Variants in SCN2B observed in about 807,000 individuals in gnomAD.
The protein encoded by SCN2B is sodium voltage-gated channel beta subunit 2.
Under a neutral mutation model 18.2 loss-of-function variants are expected in SCN2B, and 14 were observed. That is an observed-to-expected ratio of 0.77 (90% CI 0.51 to 1.21). The LOEUF (loss-of-function observed/expected upper bound fraction) is 1.21. SCN2B is among the 50% of genes most tolerant of loss of function. The pLI, the probability that SCN2B is intolerant of heterozygous loss-of-function variation, is 0.00. For missense variants in SCN2B, 262 were observed against 286.9 expected, an observed-to-expected ratio of 0.91 and a Z score of 0.63; for synonymous variants, 115 against 115.3, an observed-to-expected ratio of 1.00 and a Z score of 0.02.
rs1463704859 is a variant in SCN2B, at chr11:118,168,363, C to T, written c.238-68G>A. ...AGGAACTACAAGGACAGTGAGGATGCCCCCTCTTCCCATCCACCCTTTTCC... is the reference window on the plus strand; with the variant it reads ...AGGAACTACAAGGACAGTGAGGATGTCCCCTCTTCCCATCCACCCTTTTCC... On this transcript the variant is annotated intron_variant, in intron 2 of 3. Transcript: ENST00000278947. This position sits in a 1 kb window ranked among gnomAD's most constrained non-coding sequence, Gnocchi z 4.7. 2.4e-5 allele frequency: 34 copies of T among 1,420,130 alleles called. No individual in the cohort carries two copies. The Admixed American group carries it at 5.2e-4, about 22-fold the overall frequency. The allele number at this position is 1,420,130 out of a possible 1,614,324, so 88.0% of individuals were successfully genotyped here. A position where few individuals can be genotyped will look rare whatever the true frequency, so the allele number is the denominator to read the frequency against.
intron 1 of SCN2B, among the ~76,000 whole-genome samples, chr11:118,174,106 T>G (rs914949713): frequency 1.6e-4 from 20 of 128,940 alleles, no homozygotes; most frequent in African/African-American, 6.1e-4. Flanking sequence ...TTTTTTTTTT[T>G]TTTTTTTTTT....
In SCN2B at chr11:118,176,529, T is replaced by A; in HGVS notation, c.-98A>T. 1 of 851,178 alleles carries A rather than the reference T, an allele frequency of 1.2e-6. No individual in the cohort carries two copies. Among genetic ancestry groups the A allele is most frequent in the Non-Finnish European group, 2.0e-6 (1 of 492,778 alleles). 52.7% of individuals were successfully genotyped at this position (851,178 alleles called of 1,614,324 possible). On this transcript the variant is annotated 5_prime_UTR_variant, in exon 1 of 4. Transcript: ENST00000278947. ...GGAATGGTTGGATGCTAAAAAAAAA[T>A]GCACGGATGTACTTCAAAGACATAT...
chr11:118,173,788 G>C (rs1254134037), intron 1 of SCN2B, among the ~76,000 whole-genome samples: 1 of 152,222 alleles, frequency 6.6e-6, no homozygotes, highest in Non-Finnish European at 1.5e-5. Flanking sequence ...GTGTGTGGCA[G>C]AGTGGGGACT....
chr11:118,173,416 C>G (rs1948444554), intron 1 of SCN2B, among the ~76,000 whole-genome samples: 4 of 152,234 alleles, frequency 2.6e-5, no homozygotes, highest in Admixed American at 6.5e-5. Context: ...GTGACTGTTT[C>G]CCCATTGTCC....
At chr11:118,169,218 G>T (rs918832829) in intron 1 of SCN2B, among the ~76,000 whole-genome samples, 1 of 152,108 alleles carries the variant, frequency 6.6e-6, no homozygotes. Flanking sequence ...ATCTATATCT[G>T]TCAAGCCAGG....
rs142653998 is a variant in SCN2B, at chr11:118,172,436, A to G, written c.71-3685T>C. On this transcript the variant is annotated intron_variant, in intron 1 of 3. Coordinates refer to ENST00000278947, the MANE Select transcript of SCN2B (RefSeq NM_004588.5). The stretch of plus-strand genomic sequence containing the variant: ...GGCTCCAGACTGGGTTGAGGCATTG[A>G]AGCTGAGTGGTGAAGTGAGCCCCAT... 7.9e-5 allele frequency among the ~76,000 whole-genome samples: 12 copies of G among 152,356 alleles called. No homozygotes were observed. The East Asian group carries it at 1.2e-3, about 15-fold the overall frequency.
chr11:118,166,860 A>C lies in SCN2B; in HGVS notation c.*27T>G, dbSNP rs541373583. 6 of 1,612,976 alleles carry C rather than the reference A, an allele frequency of 3.7e-6. No individual in the cohort carries two copies. The African/African-American group carries it at 6.7e-5, about 18-fold the overall frequency. ...GGGCGGAGAGGGGAGGAGACGGGAC[A>C]CGGGAGGCTGCAGGGCCGGCCACCC... is the stretch of plus-strand genomic sequence containing the variant. On this transcript the variant is annotated 3_prime_UTR_variant, in exon 4 of 4. Coordinates refer to ENST00000278947, the MANE Select transcript of SCN2B (RefSeq NM_004588.5).
intron 1 of SCN2B, among the ~76,000 whole-genome samples, chr11:118,173,405 G>A (rs528448686): frequency 2.6e-5 from 4 of 152,256 alleles, no homozygotes; most frequent in East Asian, 3.9e-4. Flanking sequence ...CATTAGCCTC[G>A]GTGACTGTTT....
At chr11:118,175,326 G>A (rs1423957531) in intron 1 of SCN2B, among the ~76,000 whole-genome samples, 1 of 152,196 alleles carries the variant, frequency 6.6e-6, no homozygotes, top group Non-Finnish European at 1.5e-5. Flanking sequence ...AGATTCCATA[G>A]CATTCCTGCT....
chr11:118,168,469 C>G lies in SCN2B; in HGVS notation c.237+116G>C. ...TTCAAGAGCCTCCAGAGCACGCAGCCCACCCAGGGTCCTCTGGGGCCCTAG... is the reference window on the plus strand; with the variant it reads ...TTCAAGAGCCTCCAGAGCACGCAGCGCACCCAGGGTCCTCTGGGGCCCTAG... On this transcript the variant is annotated intron_variant, in intron 2 of 3. Coordinates refer to ENST00000278947, the MANE Select transcript of SCN2B (RefSeq NM_004588.5). The surrounding 1 kb of genome is among the most constrained non-coding windows in gnomAD (Gnocchi z 4.7). 1 of 1,439,662 alleles carries G rather than the reference C, an allele frequency of 6.9e-7. No individual in the cohort carries two copies. Among genetic ancestry groups the G allele is most frequent in the Non-Finnish European group, 9.8e-7 (1 of 1,023,508 alleles). The allele number at this position is 1,439,662 out of a possible 1,614,324, so 89.2% of individuals were successfully genotyped here.
Position 118,168,880 on chromosome 11 carries a change from A to G in SCN2B, c.71-129T>C. The G allele has an allele frequency of 2.1e-6, 2 of 962,760 alleles. No homozygotes were observed. Among genetic ancestry groups the G allele is most frequent in the Admixed American group, 3.6e-5 (2 of 54,826 alleles). The allele number at this position is 962,760 out of a possible 1,614,324, so 59.6% of individuals were successfully genotyped here. ...ACAGGGAGGGGACTGGGTCCCTGAC[A>G]GCTCCAGTTAATCAGGAGGTGGGAG... On this transcript the variant is annotated intron_variant, in intron 1 of 3. Transcript: ENST00000278947. This position sits in a 1 kb window ranked among gnomAD's most constrained non-coding sequence, Gnocchi z 4.7.
intron 1 of SCN2B, among the ~76,000 whole-genome samples, chr11:118,170,849 G>C (rs1448937679): frequency 9.2e-5 from 14 of 152,210 alleles, no homozygotes; most frequent in Non-Finnish European, 1.5e-5. Context: ...AACAGGAAGG[G>C]CTTCTAGGGG....
intron 1 of SCN2B, 52 bp downstream of exon 1, chr11:118,176,310 A>G: frequency 6.7e-7 from 1 of 1,494,746 alleles, no homozygotes; most frequent in Non-Finnish European, 9.3e-7. Flanking sequence ...TCCTCTTCAC[A>G]TTGCGGCTAC....
chr11:118,169,311 T>A (rs902448083), intron 1 of SCN2B, among the ~76,000 whole-genome samples: 7 of 152,158 alleles, frequency 4.6e-5, no homozygotes, highest in African/African-American at 1.7e-4. Flanking sequence ...TTCTGTCACA[T>A]GCCAGCAGAA....
chr11:118,168,697 T>C lies in SCN2B; in HGVS notation c.125A>G (p.Asn42Ser), dbSNP rs2135518443. The C allele has an allele frequency of 1.9e-6, 3 of 1,614,166 alleles. No homozygotes were observed. Among genetic ancestry groups the C allele is most frequent in the Non-Finnish European group, 8.5e-7 (1 of 1,180,002 alleles). ...VTVPATLNVL[N>S]GSDARLPCTF... ...GCAGGGCAGGCGGGCGTCAGAGCCA[T>C]TGAGGACGTTGAGGGTGGCAGGTAC... is the stretch of plus-strand genomic sequence containing the variant. Residue 42 changes from asparagine (N) to serine (S), a missense_variant, in exon 2 of 4, where the codon AAT (asparagine) becomes AGT (serine). Asn to Ser is a conservative substitution (Grantham distance 46, BLOSUM62 1). Coordinates refer to ENST00000278947, the MANE Select transcript of SCN2B (RefSeq NM_004588.5). The surrounding 1 kb of genome is among the most constrained non-coding windows in gnomAD (Gnocchi z 4.7).
rs547422280 is a variant in SCN2B, at chr11:118,168,992, C to T, written c.71-241G>A. 6.6e-6 allele frequency among the ~76,000 whole-genome samples: 1 copy of T among 152,190 alleles called. No homozygotes were observed. The highest frequency in any genetic ancestry group is 2.1e-4 in the South Asian group (1 of 4,822). ...CTCACTGCAGCCTAGACCTGCTGGG[C>T]TCAGGTGATCCTCTCACCTCAGCCT... On this transcript the variant is annotated intron_variant, in intron 1 of 3. Transcript: ENST00000278947. The surrounding 1 kb of genome is among the most constrained non-coding windows in gnomAD (Gnocchi z 4.7).
chr11:118,169,161 G>A (rs1035244383), intron 1 of SCN2B, among the ~76,000 whole-genome samples: 6 of 152,072 alleles, frequency 3.9e-5, no homozygotes, highest in South Asian at 2.1e-4. Flanking sequence ...GGGGCAAAGC[G>A]GGGCCACAGA....
intron 1 of SCN2B, among the ~76,000 whole-genome samples, chr11:118,172,856 C>T (rs1201864159): frequency 6.6e-6 from 1 of 151,978 alleles, no homozygotes; most frequent in Non-Finnish European, 1.5e-5. Context: ...CTCTTTCCAC[C>T]CTACAGCAAC....
intron 1 of SCN2B, among the ~76,000 whole-genome samples, chr11:118,170,340 G>A (rs762653932): frequency 3.3e-5 from 5 of 152,200 alleles, no homozygotes; most frequent in Non-Finnish European, 5.9e-5. Context: ...GAGTGAGCCC[G>A]TTGAAGTTTT....
Sources: allele counts gnomAD v4.1 joint callset (sites outside exome capture counted in the v4.1 genomes callset), GRCh38; gene constraint gnomAD v4.1.1; non-coding constraint Gnocchi (gnomAD v3.1); transcripts MANE v1.5; gene names NCBI Gene and HGNC (gene_info 2026-07-23, HGNC 2026-07-21).